The following CNTN3 variants were observed in gnomAD, a reference collection of about 807,000 sequenced individuals.
The protein encoded by CNTN3 is contactin 3.
A neutral mutation model predicts 119.1 loss-of-function variants in CNTN3; 60 were observed. The observed-to-expected ratio is 0.50, with a 90% CI of 0.41 to 0.62. The LOEUF (loss-of-function observed/expected upper bound fraction) is 0.62, where lower values mean the gene tolerates loss of function less well. Among genes scored for constraint, CNTN3 ranks in the 20% least tolerant of loss-of-function variants. CNTN3 has a pLI of 0.00. For synonymous variants in CNTN3, 450 were observed against 438.7 expected (o/e 1.03, Z -0.32); for missense variants, 1,101 against 1,242.4 (o/e 0.89, Z 1.71).
chr3:74,567,758 TAAAC>T (rs1704249940), intron 1 of CNTN3, among the ~76,000 whole-genome samples: 2 of 152,118 alleles, frequency 1.3e-5, no homozygotes, highest in Non-Finnish European at 2.9e-5. Context: ...GATACACAGT[TAAAC>T]AAAAACAATT....
At chr3:74,300,001 A>G in intron 16 of CNTN3, 63 bp from the exon 17 acceptor site, 2 of 1,044,168 alleles carry the variant, frequency 1.9e-6, no homozygotes, top group Non-Finnish European at 2.7e-6. Context: ...TATCTAAAAG[A>G]TAATGCAATG....
chr3:74,281,924 T>C (rs1382650324), intron 20 of CNTN3, among the ~76,000 whole-genome samples: 1 of 152,230 alleles, frequency 6.6e-6, no homozygotes, highest in Non-Finnish European at 1.5e-5. Context: ...AATGTCAGAA[T>C]CACCACTTGA....
intron 1 of CNTN3, among the ~76,000 whole-genome samples, chr3:74,599,406 T>C (rs986713026): frequency 3.9e-5 from 6 of 152,094 alleles, no homozygotes; most frequent in Non-Finnish European, 8.8e-5. Flanking sequence ...AGGTCAGCAC[T>C]CTCCAACCTT....
intron 13 of CNTN3, among the ~76,000 whole-genome samples, chr3:74,325,095 T>C (rs1703096534): frequency 6.6e-6 from 1 of 151,156 alleles, no homozygotes; most frequent in Non-Finnish European, 1.5e-5. Context: ...TATGCACATG[T>C]AAATTTCATT....
chr3:74,600,384 A>T (rs1704890189), intron 1 of CNTN3, among the ~76,000 whole-genome samples: 2 of 152,002 alleles, frequency 1.3e-5, no homozygotes, highest in African/African-American at 4.8e-5. Flanking sequence ...CAGTTATATA[A>T]ATTTTTCTTC....
At chr3:74,300,214 T>C (rs949346412) in intron 16 of CNTN3, among the ~76,000 whole-genome samples, 2 of 152,146 alleles carry the variant, frequency 1.3e-5, no homozygotes, top group Non-Finnish European at 2.9e-5. Context: ...TTTGCTAGTA[T>C]GAGACTTAAA....
intron 5 of CNTN3, among the ~76,000 whole-genome samples, chr3:74,400,381 G>T (rs1380316811): frequency 6.6e-6 from 1 of 152,166 alleles, no homozygotes; most frequent in African/African-American, 2.4e-5. Context: ...CCCAGTTGGG[G>T]TCGTGATAGA....
chr3:74,340,123 T>C (rs1262657038), intron 11 of CNTN3, among the ~76,000 whole-genome samples: 1 of 152,108 alleles, frequency 6.6e-6, no homozygotes, highest in Non-Finnish European at 1.5e-5. Flanking sequence ...GTATTGTAAG[T>C]AGAGACTATT....
intron 1 of CNTN3, among the ~76,000 whole-genome samples, chr3:74,591,667 G>T (rs1280472242): frequency 6.6e-6 from 1 of 151,820 alleles, no homozygotes; most frequent in Non-Finnish European, 1.5e-5. Context: ...GAGAGGTGAG[G>T]AAAGAATCAA....
intron 19 of CNTN3, among the ~76,000 whole-genome samples, chr3:74,291,388 T>A (rs1392725460): frequency 6.6e-6 from 1 of 152,240 alleles, no homozygotes; most frequent in African/African-American, 2.4e-5. Flanking sequence ...TATAGCAGCA[T>A]AACTTGTAAT....
At chr3:74,285,854 A>G (rs1266113937) in intron 19 of CNTN3, among the ~76,000 whole-genome samples, 1 of 135,948 alleles carries the variant, frequency 7.4e-6, no homozygotes, top group African/African-American at 2.6e-5. Flanking sequence ...TAAAAATAGG[A>G]ACAAAGTGTT....
intron 1 of CNTN3, among the ~76,000 whole-genome samples, chr3:74,597,399 G>C (rs1476425262): frequency 6.6e-6 from 1 of 151,842 alleles, no homozygotes; most frequent in African/African-American, 2.4e-5. Context: ...AATGAATAAA[G>C]AGTAACCCAG....
intron 13 of CNTN3, among the ~76,000 whole-genome samples, chr3:74,330,103 C>T (rs1374197625): frequency 6.6e-6 from 1 of 152,118 alleles, no homozygotes; most frequent in African/African-American, 2.4e-5. Context: ...TGCCTGTAAT[C>T]CCAGCACTTT....
intron 2 of CNTN3, among the ~76,000 whole-genome samples, chr3:74,506,748 A>AC (rs1397427428): frequency 0.027 from 1,004 of 37,598 alleles, 13 homozygotes; most frequent in African/African-American, 0.065. Flanking sequence ...AAAAAAAAAA[A>AC]AAAACAACAC....
At chr3:74,368,760 G>A (rs548854689) in intron 8 of CNTN3, among the ~76,000 whole-genome samples, 5 of 151,280 alleles carry the variant, frequency 3.3e-5, no homozygotes, top group East Asian at 1.9e-4. Flanking sequence ...CAGAGTTCAC[G>A]TGGTTTGTTT....
chr3:74,396,373 G>C (rs1705053952), intron 5 of CNTN3, among the ~76,000 whole-genome samples: 1 of 152,162 alleles, frequency 6.6e-6, no homozygotes, highest in African/African-American at 2.4e-5. Flanking sequence ...AAGCAATACA[G>C]CCTTTTGCTG....
At chr3:74,283,273 A>T (rs1702050460) in intron 20 of CNTN3, among the ~76,000 whole-genome samples, 1 of 152,116 alleles carries the variant, frequency 6.6e-6, no homozygotes, top group African/African-American at 2.4e-5. Flanking sequence ...TCCTCTCTAA[A>T]GTAAGCATGC....
chr3:74,356,448 T>A (rs1236545304), intron 11 of CNTN3, among the ~76,000 whole-genome samples: 2 of 152,036 alleles, frequency 1.3e-5, no homozygotes, highest in African/African-American at 4.8e-5. Context: ...CTTGTCCTGA[T>A]CCCTAATTTG....
chr3:74,420,737 C>G (rs1160596192), intron 5 of CNTN3, among the ~76,000 whole-genome samples: 1 of 152,174 alleles, frequency 6.6e-6, no homozygotes, highest in South Asian at 2.1e-4. Flanking sequence ...TTAGAGCATG[C>G]CATACTAGAA....
Sources: gnomAD v4.1 joint callset for allele counts (sites outside exome capture counted in the v4.1 genomes callset) on GRCh38, gnomAD v4.1.1 for gene constraint, MANE v1.5 for transcripts, NCBI Gene and HGNC (gene_info 2026-07-23, HGNC 2026-07-21) for gene names.